The following ARHGAP42 variants were observed in gnomAD, a reference collection of about 807,000 sequenced individuals.
ARHGAP42 encodes the protein rho GTPase-activating protein 42.
ARHGAP42 carries 63 observed loss-of-function variants against 125.0 expected under a neutral mutation model. That is an observed-to-expected ratio of 0.50 (90% CI 0.41 to 0.62). The LOEUF is 0.62. ARHGAP42 is among the 20% of genes least tolerant of loss of function. The pLI is 0.00. For synonymous variants in ARHGAP42, 339 were observed against 351.0 expected, an observed-to-expected ratio of 0.97 and a Z score of 0.38; for missense variants, 766 against 1,024.2, an observed-to-expected ratio of 0.75 and a Z score of 3.44.
intron 10 of ARHGAP42, among the ~76,000 whole-genome samples, chr11:100,946,262 G>A (rs1232490144): frequency 6.6e-6 from 1 of 152,052 alleles, no homozygotes; most frequent in South Asian, 2.1e-4. Context: ...GTTATGGCTG[G>A]TTTGATCTTC....
At chr11:100,874,969 A>G (rs1865776334) in intron 4 of ARHGAP42, among the ~76,000 whole-genome samples, 1 of 151,862 alleles carries the variant, frequency 6.6e-6, no homozygotes, top group African/African-American at 2.4e-5. Context: ...TGAGTTTTCT[A>G]CCCTGCAGTT....
chr11:100,759,169 C>T (rs968025448), intron 1 of ARHGAP42, among the ~76,000 whole-genome samples: 2 of 152,092 alleles, frequency 1.3e-5, no homozygotes, highest in African/African-American at 4.8e-5. Flanking sequence ...CCCCACTCAC[C>T]CCCATCACCC....
At chr11:100,946,008 T>C (rs769581263) in intron 10 of ARHGAP42, among the ~76,000 whole-genome samples, 2 of 152,152 alleles carry the variant, frequency 1.3e-5, no homozygotes, top group African/African-American at 2.4e-5. Flanking sequence ...TGTTGTTTAC[T>C]GTAGCCACCT....
chr11:100,810,922 C>G (rs79735088), intron 3 of ARHGAP42, among the ~76,000 whole-genome samples: 5,389 of 152,122 alleles, frequency 0.035, 96 homozygotes, highest in African/African-American at 0.069. Context: ...AAACCACCAG[C>G]AATAAAATGA....
intron 1 of ARHGAP42, among the ~76,000 whole-genome samples, chr11:100,747,263 C>G (rs144554915): frequency 3.3e-5 from 5 of 152,068 alleles, no homozygotes; most frequent in African/African-American, 1.2e-4. Flanking sequence ...TCTTTAGCAC[C>G]TATCTTTATT....
chr11:100,851,219 G>A lies in ARHGAP42; in HGVS notation c.313-8335G>A, dbSNP rs550671419. The stretch of plus-strand genomic sequence containing the variant: ...CTTTCTATGGTGCTAGACTGTGAAA[G>A]ATTCTAGGGATGAACCTGAACACTG... On this transcript the variant is annotated intron_variant, in intron 3 of 23. Coordinates refer to ENST00000298815, the MANE Select transcript of ARHGAP42 (RefSeq NM_152432.4). Among the ~76,000 whole-genome samples, 10 of 152,226 alleles carry A rather than the reference G, an allele frequency of 6.6e-5. No homozygotes were observed. In the South Asian group the frequency reaches 2.1e-3, roughly 32 times the overall value.
intron 3 of ARHGAP42, among the ~76,000 whole-genome samples, chr11:100,858,999 T>A (rs1433718627): frequency 6.6e-6 from 1 of 152,118 alleles, no homozygotes; most frequent in East Asian, 1.9e-4. Flanking sequence ...GGGGCTAAAA[T>A]ATGTTTTTAT....
chr11:100,781,302 T>TGATC (rs1370188147), intron 2 of ARHGAP42, among the ~76,000 whole-genome samples: 1 of 151,500 alleles, frequency 6.6e-6, no homozygotes, highest in East Asian at 1.9e-4. Context: ...TTTTTCTGAA[T>TGATC]GATCGGAAAA....
intron 22 of ARHGAP42, among the ~76,000 whole-genome samples, chr11:100,979,589 C>A (rs1462692928): frequency 6.6e-6 from 1 of 152,138 alleles, no homozygotes; most frequent in Non-Finnish European, 1.5e-5. Context: ...AATGTGCTTG[C>A]TTCTAAAGTT....
At chr11:100,850,873 CTTTTTTTTTTTTTT>C (rs201814102) in intron 3 of ARHGAP42, among the ~76,000 whole-genome samples, 1 of 94,508 alleles carries the variant, frequency 1.1e-5, no homozygotes, top group African/African-American at 5.3e-5. Context: ...TAGTAGCTTT[CTTTTTTTTTTTTTT>C]TTTTTTTTTT....
At chr11:100,849,388 T>C (rs1865150273) in intron 3 of ARHGAP42, among the ~76,000 whole-genome samples, 1 of 152,192 alleles carries the variant, frequency 6.6e-6, no homozygotes, top group Admixed American at 6.5e-5. Context: ...TTATAACATA[T>C]GGAACTTATT....
At chr11:100,727,698 A>C (rs905614066) in intron 1 of ARHGAP42, among the ~76,000 whole-genome samples, 1 of 152,196 alleles carries the variant, frequency 6.6e-6, no homozygotes, top group Non-Finnish European at 1.5e-5. Context: ...CAGGGACAGA[A>C]GCTTGGGACT....
intron 1 of ARHGAP42, among the ~76,000 whole-genome samples, chr11:100,724,206 T>G (rs1388952781): frequency 1.3e-5 from 2 of 152,128 alleles, no homozygotes; most frequent in South Asian, 2.1e-4. Context: ...TAAACAGTTC[T>G]TAGATTCGAT....
intron 22 of ARHGAP42, among the ~76,000 whole-genome samples, chr11:100,983,220 C>T (rs918751776): frequency 3.3e-5 from 5 of 152,038 alleles, no homozygotes; most frequent in Non-Finnish European, 7.4e-5. Flanking sequence ...GAAATTCAAA[C>T]ATAACATTTT....
At chr11:100,912,537 C>A (rs1866951273) in intron 4 of ARHGAP42, among the ~76,000 whole-genome samples, 1 of 152,116 alleles carries the variant, frequency 6.6e-6, no homozygotes, top group Non-Finnish European at 1.5e-5. Flanking sequence ...AGTAGTACTT[C>A]TTTGGCCAAT....
intron 4 of ARHGAP42, among the ~76,000 whole-genome samples, chr11:100,890,045 A>G (rs1226693793): frequency 6.6e-6 from 1 of 152,214 alleles, no homozygotes; most frequent in East Asian, 1.9e-4. Flanking sequence ...AAGAACAAAT[A>G]CACAAAAATA....
intron 1 of ARHGAP42, among the ~76,000 whole-genome samples, chr11:100,724,791 A>G (rs763561190): frequency 1.3e-4 from 20 of 149,676 alleles, no homozygotes; most frequent in Non-Finnish European, 1.2e-4. Context: ...TCCTCTGTTA[A>G]TTTTCCATTT....
At chr11:100,690,884 G>A (rs1331874505) in intron 1 of ARHGAP42, among the ~76,000 whole-genome samples, 1 of 152,158 alleles carries the variant, frequency 6.6e-6, no homozygotes, top group African/African-American at 2.4e-5. Flanking sequence ...ACAGGTGTGA[G>A]CCACCGCGCC....
intron 1 of ARHGAP42, among the ~76,000 whole-genome samples, chr11:100,769,818 G>T (rs1453201192): frequency 6.8e-6 from 1 of 146,552 alleles, no homozygotes; most frequent in Non-Finnish European, 1.5e-5. Flanking sequence ...ACTGGGGCCT[G>T]TTTGGCCAGG....
Sources: gnomAD v4.1 joint callset for allele counts (sites outside exome capture counted in the v4.1 genomes callset) on GRCh38, gnomAD v4.1.1 for gene constraint, MANE v1.5 for transcripts, NCBI Gene and HGNC (gene_info 2026-07-23, HGNC 2026-07-21) for gene names.